PTPN2: variants seen among roughly 807,000 people sequenced by gnomAD.
PTPN2 encodes the protein tyrosine-protein phosphatase non-receptor type 2.
A neutral mutation model predicts 57.3 loss-of-function variants in PTPN2; 19 were observed. The ratio of observed to expected loss-of-function variants is 0.33; its 90% confidence interval spans 0.23 to 0.49. PTPN2 has a LOEUF of 0.49. PTPN2 is among the 20% of genes least tolerant of loss of function. The pLI, the probability that PTPN2 is intolerant of heterozygous loss-of-function variation, is 0.99. For missense variants in PTPN2, 358 were observed against 501.1 expected (o/e 0.71, Z 2.73); for synonymous variants, 153 against 164.9 (o/e 0.93, Z 0.55).
chr18:12,884,203 C>G lies in PTPN2; in HGVS notation c.-62G>C, dbSNP rs980927222. 7 of 1,381,430 alleles carry G rather than the reference C, an allele frequency of 5.1e-6. No homozygotes were observed. The highest frequency in any genetic ancestry group is 4.4e-4 in the Middle Eastern group (2 of 4,526). 85.6% of individuals were successfully genotyped at this position (1,381,430 alleles called of 1,614,324 possible). ...CCGGCGGAGAGGCTCAGGCCCCGCACGATCCGGGGAGAGCGCTGGCGCTGC... is the reference window on the plus strand; with the variant it reads ...CCGGCGGAGAGGCTCAGGCCCCGCAGGATCCGGGGAGAGCGCTGGCGCTGC... On this transcript the variant is annotated 5_prime_UTR_variant, in exon 1 of 9. Coordinates refer to ENST00000309660, the MANE Select transcript of PTPN2 (RefSeq NM_002828.4).
At chr18:12,806,574 A>G (rs537889884) in intron 7 of PTPN2, among the ~76,000 whole-genome samples, 15 of 152,298 alleles carry the variant, frequency 9.8e-5, no homozygotes, top group African/African-American at 3.6e-4. Context: ...CCAAAATAGC[A>G]TGCTACTATC....
intron 4 of PTPN2, among the ~76,000 whole-genome samples, chr18:12,830,252 C>T (rs867912562): frequency 1.3e-5 from 2 of 152,014 alleles, no homozygotes; most frequent in Admixed American, 6.6e-5. Flanking sequence ...TAGGTTCAAG[C>T]GGTTCTCCTG....
At chr18:12,816,255 G>C (rs2042070323) in intron 6 of PTPN2, among the ~76,000 whole-genome samples, 1 of 152,136 alleles carries the variant, frequency 6.6e-6, no homozygotes, top group Non-Finnish European at 1.5e-5. Flanking sequence ...AGCAGTGATT[G>C]CACCATTGTA....
intron 7 of PTPN2, 90 bp downstream of exon 7, chr18:12,814,113 A>T: frequency 9.3e-7 from 1 of 1,076,102 alleles, no homozygotes; most frequent in South Asian, 1.5e-5. Flanking sequence ...CACTCTTTGA[A>T]ACAAAGACAA....
At chr18:12,874,734 C>T (rs1598897116) in intron 1 of PTPN2, among the ~76,000 whole-genome samples, 1 of 151,138 alleles carries the variant, frequency 6.6e-6, no homozygotes, top group Non-Finnish European at 1.5e-5. Context: ...AGGTGAGGGG[C>T]GCCTCTGCCC....
At chr18:12,827,483 A>ATCT (rs1194392117) in intron 4 of PTPN2, among the ~76,000 whole-genome samples, 4 of 151,650 alleles carry the variant, frequency 2.6e-5, no homozygotes, top group Admixed American at 2.6e-4. Context: ...TTCAGCCTCA[A>ATCT]TCTTCTGGGC....
chr18:12,819,786 T>C (rs2042209774), intron 5 of PTPN2, among the ~76,000 whole-genome samples: 1 of 140,442 alleles, frequency 7.1e-6, no homozygotes, highest in South Asian at 2.1e-4. Flanking sequence ...GACACAGGAA[T>C]GAGCTAGAGA....
chr18:12,833,664 G>A (rs898759745), intron 3 of PTPN2, among the ~76,000 whole-genome samples: 1 of 152,172 alleles, frequency 6.6e-6, no homozygotes, highest in African/African-American at 2.4e-5. Context: ...GTGGAGGGAT[G>A]TAGTTGGTGA....
chr18:12,864,161 T>C, intron 1 of PTPN2: 1 of 146,344 alleles, frequency 6.8e-6, no homozygotes, highest in East Asian at 2.0e-4. Context: ...AATCAGTAAA[T>C]GGAACTGAGC....
intron 8 of PTPN2, among the ~76,000 whole-genome samples, chr18:12,795,080 T>C (rs948201480): frequency 6.6e-6 from 1 of 152,282 alleles, no homozygotes; most frequent in African/African-American, 2.4e-5. Flanking sequence ...TTTCCTTCCT[T>C]GTTAACTAGT....
Position 12,814,183 on chromosome 18 carries a change from A to G in PTPN2, c.858+20T>C. ...TGTATTTAACAAATAGATATGATTT[A>G]AAACCTGTATGAAGTTTACCTGTAT... On this transcript the variant is annotated intron_variant, in intron 7 of 8. Coordinates refer to ENST00000309660, the MANE Select transcript of PTPN2 (RefSeq NM_002828.4). The G allele has an allele frequency of 6.6e-7, 1 of 1,523,432 alleles. No individual in the cohort carries two copies. The highest frequency in any genetic ancestry group is 9.0e-7 in the Non-Finnish European group (1 of 1,110,976). 94.4% of individuals were successfully genotyped at this position (1,523,432 alleles called of 1,614,324 possible).
At chr18:12,884,020 C>G (rs1666601320) in intron 1 of PTPN2, 53 bp downstream of exon 1, 4 of 1,477,514 alleles carry the variant, frequency 2.7e-6, no homozygotes, top group African/African-American at 1.4e-5. Context: ...GGACAGGGCA[C>G]GAGTCCGGGT....
intron 7 of PTPN2, among the ~76,000 whole-genome samples, chr18:12,807,600 T>TATATATATATATATATATATATA (rs71174144): frequency 1.2e-5 from 1 of 85,214 alleles, no homozygotes; most frequent in African/African-American, 3.6e-5. Flanking sequence ...TATATATATA[T>TATATATATATATATATATATATA]ATATAATATA....
chr18:12,789,519 C>T (rs938848855), downstream of PTPN2, among the ~76,000 whole-genome samples: 3 of 152,206 alleles, frequency 2.0e-5, no homozygotes, highest in Non-Finnish European at 2.9e-5. Context: ...TCAATGGGAA[C>T]GCAGAACAGG....
chr18:12,866,962 G>A (rs939067823), intron 1 of PTPN2, among the ~76,000 whole-genome samples: 2 of 151,226 alleles, frequency 1.3e-5, no homozygotes, highest in Non-Finnish European at 2.9e-5. Context: ...CCGAGATCGC[G>A]CCACTCACTG....
Position 12,884,234 on chromosome 18 carries a change from A to C in PTPN2, c.-93T>G. On this transcript the variant is annotated 5_prime_UTR_variant, in exon 1 of 9. The change abolishes an upstream ATG in the 5' untranslated region. Transcript: ENST00000309660. ...GGGGAGAGCGCTGGCGCTGCGGCGC[A>C]TGCGCGCTGCGCGCCGCGCCCCGCC... 1.1e-6 allele frequency: 1 copy of C among 949,528 alleles called. No individual in the cohort carries two copies. Among genetic ancestry groups the C allele is most frequent in the Non-Finnish European group, 1.4e-6 (1 of 697,570 alleles). 58.8% of individuals were successfully genotyped at this position (949,528 alleles called of 1,614,324 possible). A position where few individuals can be genotyped will look rare whatever the true frequency, so the allele number is the denominator to read the frequency against.
chr18:12,827,108 C>A (rs2042494791), intron 4 of PTPN2, among the ~76,000 whole-genome samples: 1 of 151,770 alleles, frequency 6.6e-6, no homozygotes, highest in Non-Finnish European at 1.5e-5. Context: ...CTTTGGGAGG[C>A]TGAGGCAGGC....
chr18:12,859,787 T>G (rs187039834), intron 1 of PTPN2, among the ~76,000 whole-genome samples: 1 of 152,156 alleles, frequency 6.6e-6, no homozygotes, highest in Non-Finnish European at 1.5e-5. Flanking sequence ...CCCAGAAATA[T>G]CCTCAAATTT....
chr18:12,795,316 T>C (rs2041132371), intron 8 of PTPN2, among the ~76,000 whole-genome samples: 1 of 152,082 alleles, frequency 6.6e-6, no homozygotes, highest in Admixed American at 6.5e-5. Context: ...GCGGGGTGGA[T>C]GGAGTCTTGT....
Sources: allele counts gnomAD v4.1 joint callset (sites outside exome capture counted in the v4.1 genomes callset), GRCh38; gene constraint gnomAD v4.1.1; transcripts MANE v1.5; gene names NCBI Gene and HGNC (gene_info 2026-07-23, HGNC 2026-07-21).